The following CADM2 variants were observed in gnomAD, a reference collection of about 807,000 sequenced individuals.
CADM2 encodes the protein cell adhesion molecule 2.
A neutral mutation model predicts 49.8 loss-of-function variants in CADM2; 12 were observed. That is an observed-to-expected ratio of 0.24 (90% CI 0.15 to 0.39). The LOEUF (loss-of-function observed/expected upper bound fraction) is 0.39. CADM2 is among the 10% of genes least tolerant of loss of function. The pLI, the probability that CADM2 is intolerant of heterozygous loss-of-function variation, is 1.00. For synonymous variants in CADM2, 214 were observed against 175.4 expected, an observed-to-expected ratio of 1.22 and a Z score of -1.74; for missense variants, 378 against 492.3, an observed-to-expected ratio of 0.77 and a Z score of 2.20.
intron 1 of CADM2, among the ~76,000 whole-genome samples, chr3:85,451,319 A>G (rs1007788616): frequency 2.6e-5 from 4 of 152,102 alleles, no homozygotes; most frequent in African/African-American, 9.6e-5. Flanking sequence ...GACAAAAGCT[A>G]ATTTATATAA....
At chr3:86,028,678 G>C (rs959072421) in intron 8 of CADM2, among the ~76,000 whole-genome samples, 2 of 152,070 alleles carry the variant, frequency 1.3e-5, no homozygotes, top group Non-Finnish European at 2.9e-5. Context: ...TAAACAGATT[G>C]AAAACAACTG....
At chr3:85,910,079 T>G (rs1005174128) in intron 5 of CADM2, among the ~76,000 whole-genome samples, 18 of 152,200 alleles carry the variant, frequency 1.2e-4, no homozygotes, top group Non-Finnish European at 2.1e-4. Context: ...TTTATACAAT[T>G]GCTATCAAAT....
At chr3:85,784,640 A>G (rs541784177) in intron 2 of CADM2, among the ~76,000 whole-genome samples, 1 of 152,244 alleles carries the variant, frequency 6.6e-6, no homozygotes, top group Admixed American at 6.6e-5. Flanking sequence ...ATGAAAATCT[A>G]TTGTTGCACA....
chr3:85,352,232 A>G (rs1305361799), intron 1 of CADM2, among the ~76,000 whole-genome samples: 1 of 152,112 alleles, frequency 6.6e-6, no homozygotes, highest in East Asian at 1.9e-4. Flanking sequence ...TATAGAATCT[A>G]TACATACCGA....
At chr3:85,302,204 G>A (rs1432544146) in intron 1 of CADM2, among the ~76,000 whole-genome samples, 5 of 152,000 alleles carry the variant, frequency 3.3e-5, no homozygotes, top group Non-Finnish European at 7.4e-5. Flanking sequence ...GTTTAAGTCT[G>A]AACAGCCTAT....
chr3:85,820,500 A>G (rs141003737), intron 3 of CADM2, among the ~76,000 whole-genome samples: 10 of 152,278 alleles, frequency 6.6e-5, no homozygotes, highest in African/African-American at 2.4e-4. Flanking sequence ...AGTAGAGCAA[A>G]TAGGACCAGC....
At chr3:85,300,707 A>T (rs967385038) in intron 1 of CADM2, among the ~76,000 whole-genome samples, 1 of 152,108 alleles carries the variant, frequency 6.6e-6, no homozygotes. Flanking sequence ...GCACGTTCAT[A>T]TCTGTACAAT....
chr3:85,865,721 C>T (rs754118807), intron 3 of CADM2, among the ~76,000 whole-genome samples: 16 of 152,126 alleles, frequency 1.1e-4, no homozygotes, highest in Non-Finnish European at 2.1e-4. Context: ...TGTGTTAAGT[C>T]ACAGCTGGTA....
At chr3:85,569,585 T>G (rs1036902735) in intron 1 of CADM2, among the ~76,000 whole-genome samples, 7 of 152,046 alleles carry the variant, frequency 4.6e-5, no homozygotes, top group African/African-American at 9.7e-5. Flanking sequence ...GCATTTGGTG[T>G]TGTTCTTTGT....
At chr3:85,518,214 C>T (rs143906317) in intron 1 of CADM2, among the ~76,000 whole-genome samples, 1 of 152,148 alleles carries the variant, frequency 6.6e-6, no homozygotes, top group East Asian at 1.9e-4. Context: ...TGGTCTCAAA[C>T]TCTTGGCTTC....
chr3:86,056,281 A>G (rs1225260942), intron 8 of CADM2, among the ~76,000 whole-genome samples: 1 of 152,196 alleles, frequency 6.6e-6, no homozygotes, highest in African/African-American at 2.4e-5. Context: ...GAGCTAAAAA[A>G]TTTCCTCACT....
intron 8 of CADM2, among the ~76,000 whole-genome samples, chr3:86,030,041 A>G (rs1047751499): frequency 6.6e-6 from 1 of 151,950 alleles, no homozygotes; most frequent in Non-Finnish European, 1.5e-5. Context: ...TGTGTAGGTT[A>G]AGGAAGGGGG....
chr3:85,561,815 A>T (rs776834986), intron 1 of CADM2, among the ~76,000 whole-genome samples: 4 of 152,112 alleles, frequency 2.6e-5, no homozygotes, highest in Non-Finnish European at 5.9e-5. Flanking sequence ...CTTTTCGTTG[A>T]TCTAATTTAA....
intron 1 of CADM2, among the ~76,000 whole-genome samples, chr3:84,977,883 C>T (rs1162666622): frequency 6.6e-6 from 1 of 152,022 alleles, no homozygotes; most frequent in African/African-American, 2.4e-5. Context: ...GGGAACATTG[C>T]TTGCTTTAAA....
chr3:85,912,807 G>C lies in CADM2; in HGVS notation c.700+264G>C, dbSNP rs148008307. ...TCAAATTGTGGCTTAACGTAGGCGT[G>C]CACGTAAGGGTGGGGGAGAAAAAGT... On this transcript the variant is annotated intron_variant, in intron 6 of 9. Transcript: ENST00000383699. Among the ~76,000 whole-genome samples the C allele has an allele frequency of 1.6e-3, 241 of 152,246 alleles. 2 individuals are homozygous for C. Among genetic ancestry groups the C allele is most frequent in the Non-Finnish European group, 2.7e-3 (184 of 68,010 alleles).
chr3:85,920,171 A>T (rs1478639336), intron 6 of CADM2, among the ~76,000 whole-genome samples: 6 of 151,880 alleles, frequency 4.0e-5, no homozygotes, highest in African/African-American at 1.4e-4. Context: ...TCAGATAGGA[A>T]GACGAATATT....
chr3:85,625,157 G>A (rs1187960774), intron 1 of CADM2, among the ~76,000 whole-genome samples: 1 of 152,092 alleles, frequency 6.6e-6, no homozygotes, highest in Non-Finnish European at 1.5e-5. Flanking sequence ...TTTTGATGAT[G>A]ATGATGATGT....
chr3:85,313,698 C>G (rs1434307586), intron 1 of CADM2, among the ~76,000 whole-genome samples: 2 of 152,138 alleles, frequency 1.3e-5, no homozygotes, highest in African/African-American at 4.8e-5. Context: ...CATGGCTGAA[C>G]TCATACATTA....
intron 1 of CADM2, among the ~76,000 whole-genome samples, chr3:85,378,527 A>T (rs888888824): frequency 1.3e-5 from 2 of 151,968 alleles, no homozygotes; most frequent in African/African-American, 4.8e-5. Context: ...GGACAAACCA[A>T]ATCTATTTAT....
Sources: gnomAD v4.1 joint callset for allele counts (sites outside exome capture counted in the v4.1 genomes callset) on GRCh38, gnomAD v4.1.1 for gene constraint, MANE v1.5 for transcripts, NCBI Gene and HGNC (gene_info 2026-07-23, HGNC 2026-07-21) for gene names.